Variants in GSE1 observed in about 807,000 individuals in gnomAD.
GSE1 encodes genetic suppressor element 1.
A neutral mutation model predicts 112.6 loss-of-function variants in GSE1; 32 were observed. The ratio of observed to expected loss-of-function variants is 0.28; its 90% confidence interval spans 0.21 to 0.38. GSE1 has a LOEUF of 0.38. Among genes scored for constraint, GSE1 ranks in the 10% least tolerant of loss-of-function variants. The probability of loss-of-function intolerance (pLI) is 1.00; values close to 1 mark genes in which losing one functional copy is unlikely to be tolerated. For synonymous variants in GSE1, 1,115 were observed against 735.6 expected, an observed-to-expected ratio of 1.52 and a Z score of -8.35; for missense variants, 2,348 against 1,699.2, an observed-to-expected ratio of 1.38 and a Z score of -6.71.
At chr16:85,187,582 G>A (rs938173203) in intron 1 of GSE1, among the ~76,000 whole-genome samples, 6 of 152,248 alleles carry the variant, frequency 3.9e-5, no homozygotes, top group African/African-American at 1.4e-4. Context: ...AGAAACCCAG[G>A]CTTCAGGAAC....
At chr16:85,334,654 C>A (rs1031040427) in intron 1 of GSE1, among the ~76,000 whole-genome samples, 1 of 152,162 alleles carries the variant, frequency 6.6e-6, no homozygotes. Context: ...CTATGTGTGA[C>A]CCATGGAGGG....
intron 14 of GSE1, 148 bp from the exon 15 acceptor site, chr16:85,670,847 G>A: frequency 1.7e-6 from 1 of 602,854 alleles, no homozygotes; most frequent in Middle Eastern, 4.5e-4. Context: ...AAAGGGCTGG[G>A]AGCATTGTGG....
chr16:85,175,122 G>A (rs1206930733), intron 1 of GSE1, among the ~76,000 whole-genome samples: 1 of 152,206 alleles, frequency 6.6e-6, no homozygotes, highest in Admixed American at 6.5e-5. Flanking sequence ...GAGGAAACAT[G>A]AGAAAAATAA....
chr16:85,282,259 C>G (rs1021924736), intron 1 of GSE1, among the ~76,000 whole-genome samples: 15 of 152,134 alleles, frequency 9.9e-5, no homozygotes, highest in Non-Finnish European at 4.4e-5. Context: ...ATCTCTTGAC[C>G]TCGTGATCCA....
chr16:85,264,333 T>C (rs1044634549), intron 1 of GSE1, among the ~76,000 whole-genome samples: 1 of 152,048 alleles, frequency 6.6e-6, no homozygotes, highest in African/African-American at 2.4e-5. Flanking sequence ...GAGGACCCCG[T>C]CTCAGATGGG....
At chr16:85,377,905 C>T (rs1218082513) in intron 2 of GSE1, among the ~76,000 whole-genome samples, 3 of 152,260 alleles carry the variant, frequency 2.0e-5, no homozygotes, top group African/African-American at 7.2e-5. Context: ...ACAGGGGAAA[C>T]CGCAGGGCCT....
At chr16:85,299,253 C>G (rs1156230812) in intron 1 of GSE1, among the ~76,000 whole-genome samples, 1 of 152,236 alleles carries the variant, frequency 6.6e-6, no homozygotes, top group Non-Finnish European at 1.5e-5. Flanking sequence ...GGGCTTGGTC[C>G]TAAATGCGCC....
intron 1 of GSE1, among the ~76,000 whole-genome samples, chr16:85,589,792 T>C (rs2151426536): frequency 6.6e-6 from 1 of 152,162 alleles, no homozygotes; most frequent in East Asian, 1.9e-4. Context: ...TGTGTGAATA[T>C]GTGTGAGACG....
intron 1 of GSE1, among the ~76,000 whole-genome samples, chr16:85,177,936 C>G (rs1345902699): frequency 6.6e-6 from 1 of 152,168 alleles, no homozygotes; most frequent in Non-Finnish European, 1.5e-5. Flanking sequence ...CCATATCTAC[C>G]TTGGAGAAGA....
intron 3 of GSE1, among the ~76,000 whole-genome samples, chr16:85,649,234 A>T (rs1386288984): frequency 1.3e-5 from 2 of 151,976 alleles, no homozygotes; most frequent in African/African-American, 4.8e-5. Context: ...GTGTCTCCAA[A>T]TGCAGTTCCG....
intron 2 of GSE1, among the ~76,000 whole-genome samples, chr16:85,430,237 A>G (rs2049088193): frequency 6.6e-6 from 1 of 152,216 alleles, no homozygotes; most frequent in Admixed American, 6.5e-5. Context: ...GAGGAAACAG[A>G]TAGAATGCAG....
intron 1 of GSE1, among the ~76,000 whole-genome samples, chr16:85,229,074 C>G (rs1166466125): frequency 3.3e-5 from 5 of 152,250 alleles, no homozygotes; most frequent in African/African-American, 1.2e-4. Flanking sequence ...AACACATCCG[C>G]TGGGGAGTTG....
chr16:85,510,469 C>A (rs1038245449), intron 2 of GSE1, among the ~76,000 whole-genome samples: 1 of 130,974 alleles, frequency 7.6e-6, no homozygotes, highest in African/African-American at 3.0e-5. Context: ...CTGCGTGCAC[C>A]CGCCTTGGCG....
chr16:85,533,246 C>T (rs2044194264), intron 2 of GSE1, among the ~76,000 whole-genome samples: 1 of 117,202 alleles, frequency 8.5e-6, no homozygotes, highest in Non-Finnish European at 1.8e-5. Flanking sequence ...CCTGTCTCTA[C>T]TAAAAAAAAA....
intron 1 of GSE1, among the ~76,000 whole-genome samples, chr16:85,332,922 C>T (rs941046462): frequency 2.0e-5 from 3 of 152,070 alleles, no homozygotes; most frequent in South Asian, 2.1e-4. Flanking sequence ...CTGTACCAGC[C>T]GGGGCCTTTG....
intron 2 of GSE1, among the ~76,000 whole-genome samples, chr16:85,415,178 G>A (rs1202287283): frequency 6.6e-6 from 1 of 152,138 alleles, no homozygotes; most frequent in African/African-American, 2.4e-5. Flanking sequence ...GTACTCAAAC[G>A]ATTCTCCCAC....
At chr16:85,226,079 C>T (rs891767944) in intron 1 of GSE1, among the ~76,000 whole-genome samples, 3 of 152,186 alleles carry the variant, frequency 2.0e-5, no homozygotes, top group Non-Finnish European at 2.9e-5. Flanking sequence ...TGCTGCAGTG[C>T]CCCTGATAGC....
At chr16:85,198,271 C>T (rs1316128686) in intron 1 of GSE1, among the ~76,000 whole-genome samples, 1 of 152,218 alleles carries the variant, frequency 6.6e-6, no homozygotes, top group Non-Finnish European at 1.5e-5. Flanking sequence ...GTGTTCCTGG[C>T]TGTAAAAGGG....
At chr16:85,604,953 G>C (rs1308663302) in intron 1 of GSE1, among the ~76,000 whole-genome samples, 2 of 140,280 alleles carry the variant, frequency 1.4e-5, no homozygotes, top group Non-Finnish European at 3.1e-5. Flanking sequence ...GAGTAGCTGG[G>C]ACTACAGGCG....
Sources: allele counts gnomAD v4.1 joint callset (sites outside exome capture counted in the v4.1 genomes callset), GRCh38; gene constraint gnomAD v4.1.1; transcripts MANE v1.5; gene names NCBI Gene and HGNC (gene_info 2026-07-23, HGNC 2026-07-21).